Variants in COL5A3 observed in about 807,000 individuals in gnomAD.
COL5A3 encodes collagen alpha-3(V) chain.
In COL5A3, 172 loss-of-function variants were observed where a neutral mutation model predicts 250.0. The ratio of observed to expected loss-of-function variants is 0.69; its 90% CI spans 0.61 to 0.78. The LOEUF (loss-of-function observed/expected upper bound fraction) is 0.78, where lower values mean the gene tolerates loss of function less well. Ranked by LOEUF, COL5A3 falls within the 30% of genes least tolerant of loss-of-function variation. The pLI, the probability that COL5A3 is intolerant of heterozygous loss-of-function variation, is 0.00. For missense variants in COL5A3, 2,340 were observed against 2,334.4 expected (o/e 1.00, Z -0.05); for synonymous variants, 937 against 900.4 (o/e 1.04, Z -0.73).
chr19:9,990,136 G>C (rs2087164713), intron 24 of COL5A3, among the ~76,000 whole-genome samples: 1 of 151,314 alleles, frequency 6.6e-6, no homozygotes. Flanking sequence ...GCTCATACCT[G>C]TAATCCCAGC....
At chr19:9,961,889 T>G in intron 65 of COL5A3, among the ~76,000 whole-genome samples, 1 of 152,024 alleles carries the variant, frequency 6.6e-6, no homozygotes, top group East Asian at 1.9e-4. Context: ...AATTCACAAC[T>G]AATGACTGAG....
chr19:9,994,031 A>C (rs2087235792), intron 16 of COL5A3, among the ~76,000 whole-genome samples: 1 of 150,924 alleles, frequency 6.6e-6, no homozygotes, highest in African/African-American at 2.4e-5. Flanking sequence ...AATTTTTTAT[A>C]TTTTTGGTAG....
At chr19:9,975,867 T>G (rs905426437) in intron 45 of COL5A3, among the ~76,000 whole-genome samples, 2 of 149,928 alleles carry the variant, frequency 1.3e-5, no homozygotes, top group Non-Finnish European at 3.0e-5. Flanking sequence ...TCATATTGGG[T>G]GTCGGTATTG....
intron 53 of COL5A3, 47 bp downstream of exon 53, chr19:9,970,928 C>A (rs1254980872): frequency 2.2e-6 from 3 of 1,387,808 alleles, no homozygotes; most frequent in Non-Finnish European, 2.9e-6. Flanking sequence ...CACTCATTAG[C>A]TCCCCAACCC....
rs187199770 is a variant in COL5A3, at chr19:9,984,386, G to A, written c.2406+1456C>T. The stretch of plus-strand genomic sequence containing the variant: ...AGAACTCATCAGTGATATAATATGG[G>A]AATAGTTTAGGCAGAAAAATGAATC... On this transcript the variant is annotated intron_variant, in intron 31 of 66. Coordinates refer to ENST00000264828, the MANE Select transcript of COL5A3 (RefSeq NM_015719.4). 5.3e-3 allele frequency among the ~76,000 whole-genome samples: 799 copies of A among 152,182 alleles called. 6 individuals are homozygous for A. The highest frequency in any genetic ancestry group is 0.02 in the East Asian group (104 of 5,184).
intron 26 of COL5A3, 52 bp from the exon 27 acceptor site, chr19:9,989,229 A>C (rs746355929): frequency 2.5e-6 from 4 of 1,611,998 alleles, no homozygotes; most frequent in Non-Finnish European, 3.4e-6. Flanking sequence ...TCCACATTCT[A>C]AGAGCCCTCA....
chr19:9,971,018 C>A lies in COL5A3; in HGVS notation c.3839G>T (p.Gly1280Val), dbSNP rs551835027. The A allele has an allele frequency of 7.8e-6, 12 of 1,534,812 alleles. No individual in the cohort carries two copies. The South Asian group carries it at 1.0e-4, about 13-fold the overall frequency. The change falls in exon 53 of 67, where the codon GGT (glycine) becomes GTT (valine). Residue 1280 changes from glycine (G) to valine (V), a missense_variant. Around this residue, in one of 3 missense-constraint regions of COL5A3, gnomAD observed 1,179 missense variants for 1,162.6 expected, o/e 1.01. Coordinates refer to ENST00000264828, the MANE Select transcript of COL5A3 (RefSeq NM_015719.4). ...AGGGTCTCCCTTCTCCCCTGGGGAA[C>A]CATCTATGCCCTGCATGGGGGGAAG... The part of the protein sequence containing the change: ...PGDPGVSGID[G>V]SPGEKGDPGD...
chr19:10,000,452 C>CTTTTTTTTTTT lies in COL5A3; in HGVS notation c.1110+1061_1110+1071dup, dbSNP rs576119335. On this transcript the variant is annotated intron_variant, in intron 8 of 66. Coordinates refer to ENST00000264828, the MANE Select transcript of COL5A3 (RefSeq NM_015719.4). ...TGTGCCATTCAGCAGCCAGAGAGCT[C>CTTTTTTTTTTT]TTTTTTTTTTTTTTTTTTTTTTTTT... 2.1e-3 allele frequency among the ~76,000 whole-genome samples: 129 copies of CTTTTTTTTTTT among 62,798 alleles called. 17 individuals carry two copies. The highest frequency in any genetic ancestry group is 2.8e-3 in the Non-Finnish European group (96 of 34,592). 41.2% of individuals were successfully genotyped at this position (62,798 alleles called of 152,430 possible).
chr19:9,997,473 AG>A (rs2087289910), intron 10 of COL5A3, 40 bp from the exon 11 acceptor site: 1 of 1,395,288 alleles, frequency 7.2e-7, no homozygotes, highest in Non-Finnish European at 1.0e-6. Flanking sequence ...GGAAGTGCAA[AG>A]TTTGAGCTAG....
Position 9,986,375 on chromosome 19 carries a change from C to G in COL5A3, c.2292G>C (p.Gly764=). The change falls in exon 30 of 67, where the codon GGG becomes GGC. Residue 764 remains glycine, a synonymous_variant. Transcript: ENST00000264828. ...PGPRGEDGPE[G]PKGQAGQAGE... ...CAGCCTGCCCCGCCTGCCCCTTCGG[C>G]CCCTCAGGACCATCCTCTCCCCGGG... The G allele has an allele frequency of 1.9e-6, 3 of 1,607,358 alleles. No homozygotes were observed. Among genetic ancestry groups the G allele is most frequent in the Non-Finnish European group, 2.5e-6 (3 of 1,178,862 alleles).
chr19:9,961,719 C>T (rs918622049), intron 65 of COL5A3, among the ~76,000 whole-genome samples: 6 of 151,932 alleles, frequency 3.9e-5, no homozygotes, highest in African/African-American at 7.3e-5. Flanking sequence ...CCACCACGCC[C>T]GGCTAATTTT....
chr19:9,993,356 G>A (rs759333983), intron 19 of COL5A3, 24 bp downstream of exon 19: 2 of 1,613,050 alleles, frequency 1.2e-6, no homozygotes, highest in Non-Finnish European at 1.7e-6. Flanking sequence ...TCCAAACCAG[G>A]CCCTAACTCT....
At position 9,960,465 on chromosome 19, in the gene COL5A3, G is replaced by A. The variant is rs761863762; in HGVS notation, c.5184C>T (p.Gly1728=). ...PLWDVAATDF[G]QTNQKFGFEL... The stretch of plus-strand genomic sequence containing the variant: ...CAAACCCAAACTTTTGGTTCGTCTG[G>A]CCAAAGTCAGTGGCCGCCACATCCC... The change falls in exon 67 of 67, where the codon GGC becomes GGT. Residue 1728 remains glycine, a synonymous_variant. Coordinates refer to ENST00000264828, the MANE Select transcript of COL5A3 (RefSeq NM_015719.4). 6.2e-7 allele frequency: 1 copy of A among 1,614,152 alleles called. No individual in the cohort carries two copies. Among genetic ancestry groups the A allele is most frequent in the Admixed American group, 1.7e-5 (1 of 60,010 alleles).
At chr19:10,010,196 C>A (rs551818997) in intron 1 of COL5A3, 102 bp downstream of exon 1, 2 of 831,008 alleles carry the variant, frequency 2.4e-6, no homozygotes, top group East Asian at 3.4e-5. Flanking sequence ...GCGGCGCCCA[C>A]GCCCTTCCCC....
At chr19:9,993,194 A>G in intron 19 of COL5A3, 127 bp from the exon 20 acceptor site, 1 of 1,170,578 alleles carries the variant, frequency 8.5e-7, no homozygotes, top group Non-Finnish European at 1.3e-6. Flanking sequence ...CCTGCAGACT[A>G]AGTTCATGGG....
intron 11 of COL5A3, 138 bp from the exon 12 acceptor site, chr19:9,996,827 T>G (rs1176701726): frequency 6.3e-6 from 4 of 631,896 alleles, no homozygotes; most frequent in East Asian, 5.9e-5. Context: ...CAAAGAGGGA[T>G]CATGGCAAGG....
Position 9,986,766 on chromosome 19 carries a change from A to ATT in COL5A3, c.2146-9_2146-8insAA, listed in dbSNP as rs763925242. 2 of 1,580,056 alleles carry ATT rather than the reference A, an allele frequency of 1.3e-6. No homozygotes were observed. Among genetic ancestry groups the ATT allele is most frequent in the African/African-American group, 1.8e-5 (1 of 55,114 alleles). ...CCGGTTGCCTGAAGTGCCCTGGAAA[A>ATT]TAAAAAAAAAAAGCTCTCAAGCCTC... On this transcript the variant is annotated splice_polypyrimidine_tract_variant and intron_variant, in intron 27 of 66. Transcript: ENST00000264828.
rs368775497 is a variant in COL5A3, at chr19:9,998,873, C to A, written c.1111-724G>T. 1.5e-3 allele frequency among the ~76,000 whole-genome samples: 225 copies of A among 151,798 alleles called. 2 individuals carry two copies. In the Middle Eastern group the frequency reaches 0.024, roughly 16 times the overall value. On this transcript the variant is annotated intron_variant, in intron 8 of 66. Coordinates refer to ENST00000264828, the MANE Select transcript of COL5A3 (RefSeq NM_015719.4). ...CTAATTTTTGTATTTTTAGTAGAGA[C>A]CAGGTTTCACCATGTTGGTTAGGCT...
intron 8 of COL5A3, among the ~76,000 whole-genome samples, chr19:10,001,137 T>G (rs868205667): frequency 2.6e-5 from 4 of 152,238 alleles, no homozygotes; most frequent in South Asian, 2.1e-4. Flanking sequence ...TTAAATAATT[T>G]TTTTAAATTG....
Sources: allele counts gnomAD v4.1 joint callset (sites outside exome capture counted in the v4.1 genomes callset), GRCh38; gene constraint gnomAD v4.1.1; regional missense constraint gnomAD v4.1.1; transcripts MANE v1.5; gene names NCBI Gene and HGNC (gene_info 2026-07-23, HGNC 2026-07-21).